Variants in BCL11A observed in about 807,000 individuals in gnomAD.
The protein encoded by BCL11A is B cell CLL/lymphoma 11A.
Under a neutral mutation model 55.9 loss-of-function variants are expected in BCL11A, and 2 were observed. That is an observed-to-expected ratio of 0.04 (90% CI 0.01 to 0.11). The LOEUF (loss-of-function observed/expected upper bound fraction) is 0.11. BCL11A is among the 10% of genes least tolerant of loss of function. The pLI is 1.00. For synonymous variants in BCL11A, 465 were observed against 473.4 expected, an observed-to-expected ratio of 0.98 and a Z score of 0.23; for missense variants, 817 against 1,137.1, an observed-to-expected ratio of 0.72 and a Z score of 4.05.
chr2:60,529,162 C>T (rs1669336651), intron 2 of BCL11A, among the ~76,000 whole-genome samples: 1 of 152,242 alleles, frequency 6.6e-6, no homozygotes, highest in Admixed American at 6.5e-5. Context: ...TCCCAACCTG[C>T]TCACCCCATA....
At position 60,459,012 on chromosome 2, in the gene BCL11A, G is replaced by C. The variant is rs1676086916; in HGVS notation, c.*1392C>G. The C allele has an allele frequency of 9.8e-7, 1 of 1,024,128 alleles. No individual in the cohort carries two copies. Among genetic ancestry groups the C allele is most frequent in the Non-Finnish European group, 1.2e-6 (1 of 851,242 alleles). The allele number at this position is 1,024,128 out of a possible 1,614,324, so 63.4% of individuals were successfully genotyped here. A position where few individuals can be genotyped will look rare whatever the true frequency, so the allele number is the denominator to read the frequency against. ...AAAATTCTTTCTCTTCTTTTTTTAA[G>C]AATGTCACATTTAAATGCAAGTCTT... On this transcript the variant is annotated 3_prime_UTR_variant, in exon 4 of 4. Transcript: ENST00000642384.
intron 2 of BCL11A, among the ~76,000 whole-genome samples, chr2:60,529,544 C>T (rs1463062170): frequency 1.3e-5 from 2 of 152,178 alleles, no homozygotes; most frequent in Non-Finnish European, 2.9e-5. Context: ...CCCTTTCTTA[C>T]CAGCTCAGGT....
rs1049282987 is a variant in BCL11A, at chr2:60,461,441, C to A, written c.1471G>T (p.Asp491Tyr). The A allele has an allele frequency of 6.2e-7, 1 of 1,604,144 alleles. No homozygotes were observed. The highest frequency in any genetic ancestry group is 2.2e-5 in the East Asian group (1 of 44,816). The change falls in exon 4 of 4, where the codon GAC becomes TAC. Residue 491 changes from aspartate (D) to tyrosine (Y), a missense_variant. Transcript: ENST00000642384. Reference protein sequence around the residue: ...ENGDEEEEEDDEEEEEEEEEE... With the variant: ...ENGDEEEEEDYEEEEEEEEEE... Reference sequence around the variant, plus strand: ...TCCTCCTCTTCTTCCTCTTCCTCGTCGTCCTCCTCTTCCTCCTCGTCCCCG... The same window carrying A: ...TCCTCCTCTTCTTCCTCTTCCTCGTAGTCCTCCTCTTCCTCCTCGTCCCCG...
chr2:60,503,431 T>C (rs1349638404), intron 2 of BCL11A, among the ~76,000 whole-genome samples: 1 of 152,212 alleles, frequency 6.6e-6, no homozygotes, highest in Non-Finnish European at 1.5e-5. Flanking sequence ...CAGTAGGCTA[T>C]TGCTTCCTCT....
At chr2:60,531,135 C>A (rs980704834) in intron 2 of BCL11A, among the ~76,000 whole-genome samples, 2 of 151,936 alleles carry the variant, frequency 1.3e-5, no homozygotes, top group South Asian at 2.1e-4. Context: ...TTGCTTAAGC[C>A]CCTCCTGGCA....
intron 2 of BCL11A, among the ~76,000 whole-genome samples, chr2:60,470,717 T>G (rs1677147454): frequency 6.6e-6 from 1 of 152,226 alleles, no homozygotes; most frequent in South Asian, 2.1e-4. Context: ...CTAAACAAGC[T>G]GACGGCAGGA....
intron 1 of BCL11A, among the ~76,000 whole-genome samples, chr2:60,550,603 C>T (rs570817757): frequency 6.6e-6 from 1 of 151,910 alleles, no homozygotes; most frequent in African/African-American, 2.4e-5. Flanking sequence ...GCTCCTGCCC[C>T]CTCTGAGCAC....
intron 3 of BCL11A, among the ~76,000 whole-genome samples, chr2:60,463,824 TAACTGAG>T (rs1435607521): frequency 1.5e-4 from 23 of 151,516 alleles, no homozygotes; most frequent in Non-Finnish European, 3.1e-4. Context: ...CCTTAAAATA[TAACTGAG>T]AAATAACAAA....
At chr2:60,452,633 T>C, downstream of BCL11A, 2 of 1,613,890 alleles carry the variant, frequency 1.2e-6, no homozygotes, top group Non-Finnish European at 8.5e-7. Flanking sequence ...TTGAGCTCTC[T>C]GGGTACTACG....
intron 2 of BCL11A, chr2:60,499,830 C>T (rs951415224): frequency 6.6e-6 from 1 of 152,406 alleles, no homozygotes; most frequent in African/African-American, 2.4e-5. Context: ...TGCCATCTGT[C>T]TTCTCTTCCT....
intron 2 of BCL11A, among the ~76,000 whole-genome samples, chr2:60,531,232 C>G (rs892655061): frequency 6.6e-6 from 1 of 152,058 alleles, no homozygotes; most frequent in African/African-American, 2.4e-5. Context: ...TGTTGCCCGA[C>G]GGTCCTGCAC....
At chr2:60,543,495 G>A (rs368220561) in intron 2 of BCL11A, 8 of 152,150 alleles carry the variant, frequency 5.3e-5, no homozygotes, top group African/African-American at 1.7e-4. Flanking sequence ...GAAATGGGCT[G>A]GGGGTACACA....
chr2:60,489,800 G>A (rs1217162800), intron 2 of BCL11A, among the ~76,000 whole-genome samples: 2 of 152,018 alleles, frequency 1.3e-5, no homozygotes, highest in East Asian at 3.8e-4. Flanking sequence ...GTTTACTCAA[G>A]TTCAGGCTAG....
At chr2:60,503,408 T>A (rs979367855) in intron 2 of BCL11A, among the ~76,000 whole-genome samples, 28 of 152,326 alleles carry the variant, frequency 1.8e-4, no homozygotes, top group African/African-American at 6.3e-4. Flanking sequence ...GAGCCAGACA[T>A]GTCCCTGGAA....
At chr2:60,514,667 CA>C (rs567427710) in intron 2 of BCL11A, among the ~76,000 whole-genome samples, 1,645 of 113,238 alleles carry the variant, frequency 0.015, 13 homozygotes, top group African/African-American at 0.042. Flanking sequence ...GACTCCATCT[CA>C]AAAAAAAAAA....
chr2:60,480,502 T>C (rs1158805002), intron 2 of BCL11A, among the ~76,000 whole-genome samples: 3 of 152,126 alleles, frequency 2.0e-5, no homozygotes, highest in Non-Finnish European at 4.4e-5. Context: ...GAGCCAGCAG[T>C]GACCAGGGGA....
chr2:60,540,843 C>G (rs536313179), intron 2 of BCL11A, among the ~76,000 whole-genome samples: 73 of 152,196 alleles, frequency 4.8e-4, no homozygotes, highest in African/African-American at 1.6e-3. Context: ...GCCACATTCA[C>G]TAAGAGAAAG....
At chr2:60,506,170 G>A (rs1423636177) in intron 2 of BCL11A, among the ~76,000 whole-genome samples, 1 of 152,130 alleles carries the variant, frequency 6.6e-6, no homozygotes, top group African/African-American at 2.4e-5. Context: ...AGAACACCTG[G>A]GCCCAAAATA....
intron 2 of BCL11A, among the ~76,000 whole-genome samples, chr2:60,538,739 CTGTGTGTGTGTGTG>C (rs777467539): frequency 8.9e-5 from 6 of 67,530 alleles, no homozygotes; most frequent in South Asian, 7.4e-4. Context: ...CTCTCTCTCT[CTGTGTGTGTGTGTG>C]TGTGTGTGTG....
Sources: allele counts gnomAD v4.1 joint callset (sites outside exome capture counted in the v4.1 genomes callset), GRCh38; gene constraint gnomAD v4.1.1; transcripts MANE v1.5; gene names NCBI Gene and HGNC (gene_info 2026-07-23, HGNC 2026-07-21).